The following BRD4 variants were observed in gnomAD, a reference collection of about 807,000 sequenced individuals.
BRD4 encodes the protein bromodomain containing 4, also known as bromodomain-containing protein 4.
A neutral mutation model predicts 142.1 loss-of-function variants in BRD4; 16 were observed. The ratio of observed to expected loss-of-function variants is 0.11; its 90% CI spans 0.08 to 0.17. The LOEUF is 0.17. Ranked by LOEUF, BRD4 falls within the 10% of genes least tolerant of loss-of-function variation. The pLI is 1.00. For synonymous variants in BRD4, 833 were observed against 707.5 expected, an observed-to-expected ratio of 1.18 and a Z score of -2.82; for missense variants, 1,424 against 1,810.9, an observed-to-expected ratio of 0.79 and a Z score of 3.88.
At chr19:15,298,242 C>A (rs1261667719) in intron 1 of BRD4, among the ~76,000 whole-genome samples, 1 of 152,222 alleles carries the variant, frequency 6.6e-6, no homozygotes, top group East Asian at 1.9e-4. Context: ...GAATATTTGG[C>A]CTGTTTTTGC....
chr19:15,269,774 G>C (rs2047568137), intron 2 of BRD4, among the ~76,000 whole-genome samples: 2 of 152,204 alleles, frequency 1.3e-5, no homozygotes, highest in African/African-American at 4.8e-5. Flanking sequence ...ATCTTACTAA[G>C]TGCCAAACAG....
rs779221333 is a variant in BRD4, at chr19:15,253,625, T to C, written c.2158+527A>G. 30 of 1,596,298 alleles carry C rather than the reference T, an allele frequency of 1.9e-5. No individual in the cohort carries two copies. The East Asian group carries it at 3.8e-4, about 20-fold the overall frequency. On this transcript the variant is annotated intron_variant, in intron 11 of 19. Transcript: ENST00000679869. ...TAGGCAATGGCTGGGGCCCAGGTGA[T>C]GGCAGGGCCAGCAGCAGACTGGCGA...
intron 1 of BRD4, among the ~76,000 whole-genome samples, chr19:15,284,063 C>A (rs562432935): frequency 3.0e-4 from 45 of 152,098 alleles, no homozygotes; most frequent in Non-Finnish European, 6.2e-4. Context: ...CTGGGTATCT[C>A]GATGAAGAGC....
chr19:15,296,362 C>T (rs2047822976), intron 1 of BRD4, among the ~76,000 whole-genome samples: 1 of 152,230 alleles, frequency 6.6e-6, no homozygotes, highest in Non-Finnish European at 1.5e-5. Context: ...TTACAAGCAA[C>T]CACAGCATCT....
At chr19:15,254,749 C>T (rs2047387272) in intron 10 of BRD4, among the ~76,000 whole-genome samples, 1 of 151,918 alleles carries the variant, frequency 6.6e-6, no homozygotes. Context: ...GCCCAAGGAC[C>T]CCAGGAGCTA....
At chr19:15,289,436 A>G (rs2047764424) in intron 1 of BRD4, among the ~76,000 whole-genome samples, 1 of 152,186 alleles carries the variant, frequency 6.6e-6, no homozygotes, top group Non-Finnish European at 1.5e-5. Flanking sequence ...CTGTAATCCC[A>G]GCTACTCAGG....
chr19:15,316,452 A>G (rs1292856367), intron 1 of BRD4, among the ~76,000 whole-genome samples: 1 of 151,888 alleles, frequency 6.6e-6, no homozygotes, highest in Non-Finnish European at 1.5e-5. Flanking sequence ...ACAGTCGGGC[A>G]TGGTGGCGCA....
In BRD4 at chr19:15,238,850, C is replaced by T. The variant is rs2145498109; in HGVS notation, c.3913G>A (p.Ala1305Thr). Reference sequence around the variant, plus strand: ...TGGGCCTGTGGGGTGGCGGCGGCAGCCACCGCAGCTGCTTGCTGTTGCTGC... The same window carrying T: ...TGGGCCTGTGGGGTGGCGGCGGCAGTCACCGCAGCTGCTTGCTGTTGCTGC... ...QQQQQQAAAV[A>T]AAATPQAQSS... The change falls in exon 19 of 20, where the codon GCT (alanine) becomes ACT (threonine). Residue 1305 changes from alanine to threonine, a missense_variant. Transcript: ENST00000679869. This position sits in a 1 kb window ranked among gnomAD's most constrained non-coding sequence, Gnocchi z 7.2. The T allele has an allele frequency of 6.2e-7, 1 of 1,602,342 alleles. No homozygotes were observed. The highest frequency in any genetic ancestry group is 8.5e-7 in the Non-Finnish European group (1 of 1,175,058).
At chr19:15,331,660 G>C (rs866139327) in intron 1 of BRD4, among the ~76,000 whole-genome samples, 8 of 152,184 alleles carry the variant, frequency 5.3e-5, no homozygotes, top group African/African-American at 1.9e-4. Flanking sequence ...GGGGACCGCC[G>C]GGAAGGTGAA....
intron 1 of BRD4, among the ~76,000 whole-genome samples, chr19:15,326,153 TAAAAAAAAA>T (rs755812111): frequency 9.9e-6 from 1 of 100,956 alleles, no homozygotes; most frequent in Non-Finnish European, 2.0e-5. Flanking sequence ...AATGTAGCAT[TAAAAAAAAA>T]AAAAAAAAAA....
intron 14 of BRD4, among the ~76,000 whole-genome samples, chr19:15,240,891 G>A (rs1000040567): frequency 6.6e-6 from 1 of 152,180 alleles, no homozygotes; most frequent in Non-Finnish European, 1.5e-5. Context: ...CCTCTGCAAC[G>A]CTTTTGCTCC....
chr19:15,245,086 A>T, intron 11 of BRD4: 1 of 441,952 alleles, frequency 2.3e-6, no homozygotes. Flanking sequence ...TCAGTCACTC[A>T]CTATAGTGAC....
chr19:15,302,909 G>A (rs899542538), intron 1 of BRD4, among the ~76,000 whole-genome samples: 4 of 150,402 alleles, frequency 2.7e-5, no homozygotes, highest in Admixed American at 2.0e-4. Flanking sequence ...TTGAGAGGCC[G>A]AGGCAGGAGA....
intron 7 of BRD4, among the ~76,000 whole-genome samples, chr19:15,260,014 T>C (rs923225525): frequency 1.3e-5 from 2 of 152,098 alleles, no homozygotes; most frequent in African/African-American, 4.8e-5. Context: ...GAACACCGAG[T>C]GCAGGCATTC....
At chr19:15,300,642 CA>C (rs34013844) in intron 1 of BRD4, among the ~76,000 whole-genome samples, 152 of 144,194 alleles carry the variant, frequency 1.1e-3, no homozygotes, top group Middle Eastern at 3.5e-3. Flanking sequence ...AAATATATAC[CA>C]AAAAAAAAAA....
At chr19:15,305,193 G>C (rs1364961953) in intron 1 of BRD4, among the ~76,000 whole-genome samples, 3 of 151,928 alleles carry the variant, frequency 2.0e-5, no homozygotes, top group Non-Finnish European at 4.4e-5. Flanking sequence ...CCAGGCAGGA[G>C]CCACCACGCC....
At chr19:15,268,806 A>C in intron 3 of BRD4, 99 bp downstream of exon 3, 3 of 1,391,910 alleles carry the variant, frequency 2.2e-6, no homozygotes, top group African/African-American at 1.4e-5. Context: ...AAGCCCAGCC[A>C]CACCCAACAC....
intron 11 of BRD4, among the ~76,000 whole-genome samples, chr19:15,251,115 T>C (rs559479404): frequency 2.0e-5 from 3 of 152,258 alleles, no homozygotes; most frequent in African/African-American, 7.2e-5. Flanking sequence ...GGGGAATACA[T>C]GGTGGCCTGG....
chr19:15,244,665 G>C (rs1178441372), intron 12 of BRD4, 45 bp downstream of exon 12: 2 of 1,613,970 alleles, frequency 1.2e-6, no homozygotes, highest in Non-Finnish European at 8.5e-7. Context: ...GCCCGGGCCA[G>C]ACCCAACGTC....
Sources: gnomAD v4.1 joint callset for allele counts (sites outside exome capture counted in the v4.1 genomes callset) on GRCh38, gnomAD v4.1.1 for gene constraint, Gnocchi (gnomAD v3.1) non-coding constraint, MANE v1.5 for transcripts, NCBI Gene and HGNC (gene_info 2026-07-23, HGNC 2026-07-21) for gene names.